Variants in WSCD2 observed in about 807,000 individuals in gnomAD.
WSCD2 encodes WSC domain sialate O sulfotransferase 2.
A neutral mutation model predicts 55.7 loss-of-function variants in WSCD2; 28 were observed. The ratio of observed to expected loss-of-function variants is 0.50; its 90% CI spans 0.37 to 0.69. The LOEUF (loss-of-function observed/expected upper bound fraction) is 0.69. Among genes scored for constraint, WSCD2 ranks in the 30% least tolerant of loss-of-function variants. The probability of loss-of-function intolerance (pLI) is 0.00; values close to 1 mark genes in which losing one functional copy is unlikely to be tolerated. For missense variants in WSCD2, 616 were observed against 762.1 expected (o/e 0.81, Z 2.26); for synonymous variants, 301 against 301.9 (o/e 1.00, Z 0.03).
intron 1 of WSCD2, among the ~76,000 whole-genome samples, chr12:108,192,529 T>G (rs17254128): frequency 0.036 from 5,444 of 152,248 alleles, 107 homozygotes; most frequent in Middle Eastern, 0.1. Flanking sequence ...GGCACGACCA[T>G]GAAACCTCAG....
At chr12:108,189,185 A>T (rs191940858) in intron 1 of WSCD2, among the ~76,000 whole-genome samples, 30 of 152,316 alleles carry the variant, frequency 2.0e-4, no homozygotes, top group Non-Finnish European at 1.5e-5. Flanking sequence ...AATACCACTG[A>T]TAAGTAGTTC....
intron 1 of WSCD2, among the ~76,000 whole-genome samples, chr12:108,188,263 G>A (rs1298333145): frequency 6.6e-6 from 1 of 152,080 alleles, no homozygotes; most frequent in African/African-American, 2.4e-5. Context: ...TGGAGGTGGG[G>A]TGAGCAAGTG....
intron 1 of WSCD2, among the ~76,000 whole-genome samples, chr12:108,148,093 A>G (rs1307071726): frequency 6.6e-6 from 1 of 152,058 alleles, no homozygotes; most frequent in Non-Finnish European, 1.5e-5. Flanking sequence ...GAGTTTTGCC[A>G]TGTTGGCTTT....
intron 3 of WSCD2, among the ~76,000 whole-genome samples, chr12:108,208,656 A>G (rs111752198): frequency 5.9e-4 from 90 of 152,344 alleles, no homozygotes; most frequent in African/African-American, 2.2e-3. Flanking sequence ...CAAAGGGAGT[A>G]TCAGGAGGGG....
At chr12:108,175,737 G>A (rs904317232) in intron 1 of WSCD2, among the ~76,000 whole-genome samples, 6 of 152,236 alleles carry the variant, frequency 3.9e-5, no homozygotes, top group African/African-American at 1.4e-4. Flanking sequence ...GAATAAGTGA[G>A]CAGGCGTTAA....
At chr12:108,175,635 A>T (rs995176510) in intron 1 of WSCD2, among the ~76,000 whole-genome samples, 4 of 152,180 alleles carry the variant, frequency 2.6e-5, no homozygotes, top group Non-Finnish European at 5.9e-5. Context: ...AGGCAATGGG[A>T]TGAGGGGCGT....
At chr12:108,157,449 T>C (rs1878635356) in intron 1 of WSCD2, among the ~76,000 whole-genome samples, 1 of 152,210 alleles carries the variant, frequency 6.6e-6, no homozygotes, top group Non-Finnish European at 1.5e-5. Context: ...AAGAGTTTCA[T>C]GGCCCCTAAC....
intron 1 of WSCD2, among the ~76,000 whole-genome samples, chr12:108,135,130 A>G (rs200215581): frequency 6.9e-6 from 1 of 144,076 alleles, no homozygotes. Context: ...CCATCCTTCC[A>G]TCCGTCCGTC....
rs189427705 is a variant in WSCD2 at position 108,181,257 on chromosome 12, G to A, written c.-551-14025G>A. Reference sequence around the variant, plus strand: ...GACAGACCTTCCTCCCTCCCACCCCGGCGGATTTATTCCTGGGGGTGTGTG... The same window carrying A: ...GACAGACCTTCCTCCCTCCCACCCCAGCGGATTTATTCCTGGGGGTGTGTG... On this transcript the variant is annotated intron_variant, in intron 1 of 8. Transcript: ENST00000547525. 7.0e-3 allele frequency among the ~76,000 whole-genome samples: 1,073 copies of A among 152,256 alleles called. 33 individuals are homozygous for A. The highest frequency in any genetic ancestry group is 0.043 in the Admixed American group (663 of 15,298).
At chr12:108,236,551 G>A (rs1889276344) in intron 7 of WSCD2, among the ~76,000 whole-genome samples, 1 of 151,570 alleles carries the variant, frequency 6.6e-6, no homozygotes, top group African/African-American at 2.4e-5. Flanking sequence ...GTGTCCATCT[G>A]CCATCTGGCG....
Position 108,196,051 on chromosome 12 carries a change from C to T in WSCD2, c.219C>T (p.Gly73=). The part of the protein sequence containing the change: ...ELSFLGDMHL[G]RGFRDTGEAS... Reference sequence around the variant, plus strand: ...CCTTCTTGGGTGACATGCATCTGGGCAGAGGTTTCCGGGACACAGGTGAAG... The same window carrying T: ...CCTTCTTGGGTGACATGCATCTGGGTAGAGGTTTCCGGGACACAGGTGAAG... Residue 73 remains glycine, a synonymous_variant, in exon 2 of 9, where the codon GGC becomes GGT. Transcript: ENST00000547525. 2.5e-6 allele frequency: 4 copies of T among 1,614,178 alleles called. No homozygotes were observed. Among genetic ancestry groups the T allele is most frequent in the Non-Finnish European group, 3.4e-6 (4 of 1,180,026 alleles).
chr12:108,149,980 G>A (rs1877804588), intron 1 of WSCD2: 1 of 152,158 alleles, frequency 6.6e-6, no homozygotes, highest in South Asian at 2.1e-4. Context: ...TTTGACTTTG[G>A]ATGCTTGGCC....
chr12:108,167,877 G>A (rs375020597), intron 1 of WSCD2, among the ~76,000 whole-genome samples: 11 of 152,308 alleles, frequency 7.2e-5, no homozygotes, highest in African/African-American at 2.6e-4. Flanking sequence ...GGTGAGTGTT[G>A]GGTCAACCCC....
Position 108,248,049 on chromosome 12 carries a change from G to A in WSCD2, c.1404G>A (p.Trp468Ter). Residue 468 changes from tryptophan (W) to a stop codon, truncating the protein, a stop_gained, in exon 9 of 9, where the codon TGG becomes TGA. Coordinates refer to ENST00000547525, the MANE Select transcript of WSCD2 (RefSeq NM_014653.4). LOFTEE classifies it high-confidence loss of function. This position sits in a 1 kb window ranked among gnomAD's most constrained non-coding sequence, Gnocchi z 4.3. The stretch of plus-strand genomic sequence containing the variant: ...GGTGGGCCACTCACACACTGGACTG[G>A]CTCAAGTTTGGCAAGAAGGTGCTGG... The part of the protein sequence containing the change: ...APWWATHTLD[W>*]LKFGKKVLVV... 1 of 1,614,190 alleles carries A rather than the reference G, an allele frequency of 6.2e-7. No individual in the cohort carries two copies. The highest frequency in any genetic ancestry group is 8.5e-7 in the Non-Finnish European group (1 of 1,180,048).
intron 1 of WSCD2, among the ~76,000 whole-genome samples, chr12:108,134,280 C>T (rs1002540564): frequency 3.9e-5 from 6 of 152,074 alleles, no homozygotes; most frequent in Non-Finnish European, 8.8e-5. Context: ...CGTCACTGCT[C>T]TTCTCATTCA....
At chr12:108,133,810 C>T (rs1165474744) in intron 1 of WSCD2, among the ~76,000 whole-genome samples, 8 of 152,108 alleles carry the variant, frequency 5.3e-5, no homozygotes, top group South Asian at 4.1e-4. Flanking sequence ...CTACTTAGGA[C>T]GGCTGCTGAA....
chr12:108,214,356 A>C (rs1184500507), intron 4 of WSCD2, among the ~76,000 whole-genome samples: 1 of 152,188 alleles, frequency 6.6e-6, no homozygotes, highest in Non-Finnish European at 1.5e-5. Flanking sequence ...CATAATAGTG[A>C]GAGCATTAAA....
chr12:108,197,936 G>A (rs998092922), intron 2 of WSCD2, among the ~76,000 whole-genome samples: 1 of 147,756 alleles, frequency 6.8e-6, no homozygotes, highest in African/African-American at 2.5e-5. Flanking sequence ...CTTCTATCTG[G>A]GATGCCGTCT....
chr12:108,197,545 A>G (rs1015886623), intron 2 of WSCD2, among the ~76,000 whole-genome samples: 1 of 152,036 alleles, frequency 6.6e-6, no homozygotes, highest in Non-Finnish European at 1.5e-5. Context: ...TAAAATGGGG[A>G]TTTTACTGGA....
Sources: gnomAD v4.1 joint callset for allele counts (sites outside exome capture counted in the v4.1 genomes callset) on GRCh38, gnomAD v4.1.1 for gene constraint, Gnocchi (gnomAD v3.1) non-coding constraint, MANE v1.5 for transcripts, NCBI Gene and HGNC (gene_info 2026-07-23, HGNC 2026-07-21) for gene names.